The following HFM1 variants were observed in gnomAD, a reference collection of about 807,000 sequenced individuals.
The protein encoded by HFM1 is helicase for meiosis 1.
Under a neutral mutation model 192.1 loss-of-function variants are expected in HFM1, and 169 were observed. The observed-to-expected ratio is 0.88, with a 90% CI of 0.78 to 1.00. HFM1 has a LOEUF of 1.00. Ranked by LOEUF, HFM1 falls within the 50% of genes least tolerant of loss-of-function variation. HFM1 has a pLI of 0.00. For missense variants in HFM1, 1,661 were observed against 1,668.0 expected, an observed-to-expected ratio of 1.00 and a Z score of 0.07; for synonymous variants, 525 against 537.8, an observed-to-expected ratio of 0.98 and a Z score of 0.33.
At chr1:91,374,973 G>A (rs1437394460) in intron 13 of HFM1, among the ~76,000 whole-genome samples, 1 of 152,108 alleles carries the variant, frequency 6.6e-6, no homozygotes, top group Non-Finnish European at 1.5e-5. Context: ...AGCCTGCAAA[G>A]GAGGAAGAAA....
At chr1:91,266,330 G>T (rs1460363425) in intron 35 of HFM1, among the ~76,000 whole-genome samples, 1 of 152,134 alleles carries the variant, frequency 6.6e-6, no homozygotes, top group African/African-American at 2.4e-5. Flanking sequence ...TATATTAAAA[G>T]GTCTTCAAGC....
intron 15 of HFM1, 151 bp downstream of exon 15, chr1:91,352,900 G>T: frequency 1.6e-6 from 1 of 609,624 alleles, no homozygotes; most frequent in Non-Finnish European, 2.9e-6. Flanking sequence ...AGAATTTACT[G>T]TAGCATCTAC....
chr1:91,320,279 T>C (rs1302758196), intron 23 of HFM1, among the ~76,000 whole-genome samples: 2 of 152,118 alleles, frequency 1.3e-5, no homozygotes, highest in African/African-American at 2.4e-5. Context: ...TACATGAAAA[T>C]TGAAAGAAGT....
rs184428699 is a variant in HFM1, at chr1:91,339,986, C to T, written c.2335+3444G>A. On this transcript the variant is annotated intron_variant, in intron 20 of 38. Coordinates refer to ENST00000370425, the MANE Select transcript of HFM1 (RefSeq NM_001017975.6). The stretch of plus-strand genomic sequence containing the variant: ...CAGCTCTTTCAGCAAAAATCCTACA[C>T]GCCAGAAGAGTTTGGGGGCCTATAT... Among the ~76,000 whole-genome samples, 406 of 152,206 alleles carry T rather than the reference C, an allele frequency of 2.7e-3. 5 individuals are homozygous for T. The highest frequency in any genetic ancestry group is 8.6e-3 in the African/African-American group (359 of 41,526).
rs554758869 is a variant in HFM1 at position 91,404,823 on chromosome 1, G to C, written c.-53C>G. The C allele has an allele frequency of 4.4e-6, 2 of 455,626 alleles. No homozygotes were observed. The highest frequency in any genetic ancestry group is 1.6e-5 in the South Asian group (1 of 64,496). 28.2% of individuals were successfully genotyped at this position (455,626 alleles called of 1,614,324 possible). A position where few individuals can be genotyped will look rare whatever the true frequency, so the allele number is the denominator to read the frequency against. On this transcript the variant is annotated 5_prime_UTR_variant, in exon 1 of 39. Coordinates refer to ENST00000370425, the MANE Select transcript of HFM1 (RefSeq NM_001017975.6). The stretch of plus-strand genomic sequence containing the variant: ...CTCCCTGCGGACAGCTCCTAGGCCA[G>C]TCGAGCGCCGATTTATCAGCCCCTC...
chr1:91,350,027 G>A (rs1191326441), intron 18 of HFM1, among the ~76,000 whole-genome samples: 1 of 152,116 alleles, frequency 6.6e-6, no homozygotes, highest in Non-Finnish European at 1.5e-5. Flanking sequence ...AAGAATTTTA[G>A]TTGTATATAT....
intron 21 of HFM1, among the ~76,000 whole-genome samples, chr1:91,324,082 A>T (rs1026208005): frequency 6.6e-6 from 1 of 152,210 alleles, no homozygotes; most frequent in Admixed American, 6.5e-5. Context: ...TACCAATGAC[A>T]TGCCTATGGT....
At chr1:91,343,833 C>T (rs186554855) in intron 19 of HFM1, among the ~76,000 whole-genome samples, 31 of 152,152 alleles carry the variant, frequency 2.0e-4, no homozygotes, top group African/African-American at 4.1e-4. Flanking sequence ...AGGTAGACAC[C>T]GATATTTTCA....
In HFM1 at chr1:91,319,120, A is replaced by G; in HGVS notation, c.2770T>C (p.Trp924Arg). 4 of 1,610,048 alleles carry G rather than the reference A, an allele frequency of 2.5e-6. No individual in the cohort carries two copies. The highest frequency in any genetic ancestry group is 3.4e-6 in the Non-Finnish European group (4 of 1,178,930). ...TTGGATACATGCAGAGAGTTTTCCC[A>G]AAGTTTACACCTAAAACATTTAGCT... is the stretch of plus-strand genomic sequence containing the variant. ...ILAKCFRCKL[W>R]ENSLHVSKQL... Residue 924 changes from tryptophan to arginine, a missense_variant, in exon 25 of 39, where the codon TGG becomes CGG. Physicochemically the swap from Trp to Arg is moderately radical, Grantham distance 101 (BLOSUM62 -3). Transcript: ENST00000370425.
At chr1:91,315,321 TG>T (rs1391955799) in intron 28 of HFM1, among the ~76,000 whole-genome samples, 102 of 152,322 alleles carry the variant, frequency 6.7e-4, no homozygotes, top group Non-Finnish European at 1.3e-4. Flanking sequence ...GGAAAAATGC[TG>T]AAGTAAAAAT....
intron 29 of HFM1, 142 bp from the exon 30 acceptor site, chr1:91,313,637 T>A: frequency 2.1e-6 from 1 of 468,534 alleles, no homozygotes; most frequent in Non-Finnish European, 3.6e-6. Flanking sequence ...GTTGAAAGGT[T>A]AAAAAATATG....
intron 30 of HFM1, among the ~76,000 whole-genome samples, chr1:91,305,934 A>G (rs1649539188): frequency 6.6e-6 from 1 of 152,214 alleles, no homozygotes; most frequent in African/African-American, 2.4e-5. Context: ...AATAGAAATA[A>G]TAACACAGAG....
intron 20 of HFM1, among the ~76,000 whole-genome samples, chr1:91,339,569 C>T (rs558892543): frequency 7.2e-5 from 11 of 151,982 alleles, no homozygotes; most frequent in African/African-American, 2.2e-4. Context: ...ACCAGGTTTT[C>T]AAGTCTACTC....
At chr1:91,325,093 C>T (rs1652690022) in intron 20 of HFM1, among the ~76,000 whole-genome samples, 1 of 152,226 alleles carries the variant, frequency 6.6e-6, no homozygotes, top group South Asian at 2.1e-4. Context: ...CTGGACCTGC[C>T]CTGGGCCAGA....
chr1:91,386,646 AAG>A (rs1662246707), intron 4 of HFM1, among the ~76,000 whole-genome samples: 1 of 152,212 alleles, frequency 6.6e-6, no homozygotes, highest in Non-Finnish European at 1.5e-5. Context: ...TAAAGTGCTT[AAG>A]AGAGAGAAAA....
chr1:91,362,448 T>C (rs558950675), intron 13 of HFM1, among the ~76,000 whole-genome samples: 23 of 152,142 alleles, frequency 1.5e-4, no homozygotes, highest in African/African-American at 5.5e-4. Flanking sequence ...TCACAATTGC[T>C]ACAAAAAGAA....
intron 4 of HFM1, among the ~76,000 whole-genome samples, chr1:91,390,453 GAA>G (rs1662821934): frequency 2.0e-5 from 3 of 148,618 alleles, no homozygotes; most frequent in African/African-American, 2.5e-5. Context: ...AAAAAAGAGA[GAA>G]AGAAAGGAAG....
intron 30 of HFM1, among the ~76,000 whole-genome samples, chr1:91,278,505 T>C (rs1408600012): frequency 6.6e-6 from 1 of 152,174 alleles, no homozygotes; most frequent in Non-Finnish European, 1.5e-5. Flanking sequence ...AATCAGCTTA[T>C]TTTTGCTGCA....
intron 18 of HFM1, among the ~76,000 whole-genome samples, chr1:91,350,324 C>T (rs929426318): frequency 1.3e-5 from 2 of 152,056 alleles, no homozygotes; most frequent in Non-Finnish European, 2.9e-5. Context: ...AAAATTGTGG[C>T]AGCAACAGTA....
Sources: gnomAD v4.1 joint callset for allele counts (sites outside exome capture counted in the v4.1 genomes callset) on GRCh38, gnomAD v4.1.1 for gene constraint, MANE v1.5 for transcripts, NCBI Gene and HGNC (gene_info 2026-07-23, HGNC 2026-07-21) for gene names.